Variants in ZC3HAV1 observed in about 807,000 individuals in gnomAD.
The protein encoded by ZC3HAV1 is zinc finger CCCH-type antiviral protein 1.
A neutral mutation model predicts 86.6 loss-of-function variants in ZC3HAV1; 41 were observed. The observed-to-expected ratio is 0.47, with a 90% CI of 0.37 to 0.61. ZC3HAV1 has a LOEUF of 0.61. ZC3HAV1 is among the 20% of genes least tolerant of loss of function. The pLI, the probability that ZC3HAV1 is intolerant of heterozygous loss-of-function variation, is 0.00. For missense variants in ZC3HAV1, 964 were observed against 1,141.1 expected (o/e 0.84, Z 2.24); for synonymous variants, 421 against 432.1 (o/e 0.97, Z 0.32).
At position 139,044,319 on chromosome 7, in the gene ZC3HAV1, C is replaced by T. The variant is rs1815897476; in HGVS notation, c.*3275G>A. 1 of 152,114 alleles carries T rather than the reference C, an allele frequency of 6.6e-6. No homozygotes were observed. The highest frequency in any genetic ancestry group is 1.5e-5 in the Non-Finnish European group (1 of 68,018). 9.4% of individuals were successfully genotyped at this position (152,114 alleles called of 1,614,324 possible). A position where few individuals can be genotyped will look rare whatever the true frequency, so the allele number is the denominator to read the frequency against. On this transcript the variant is annotated 3_prime_UTR_variant, in exon 13 of 13. Coordinates refer to ENST00000242351, the MANE Select transcript of ZC3HAV1 (RefSeq NM_020119.4). ...TCCTGTACTTGTTTACAGGAAGTAG[C>T]CTCTAATCGGCTCTTAAATCCAAAC...
chr7:139,093,015 G>A lies in ZC3HAV1; in HGVS notation c.309-3256C>T, dbSNP rs1817478168. On this transcript the variant is annotated intron_variant, in intron 1 of 12. Coordinates refer to ENST00000242351, the MANE Select transcript of ZC3HAV1 (RefSeq NM_020119.4). ...ATTGATCAGCCACGAAGGTGGGGCAGTTTACACTTACCTTCTACTTGGGTT... is the reference window on the plus strand; with the variant it reads ...ATTGATCAGCCACGAAGGTGGGGCAATTTACACTTACCTTCTACTTGGGTT... Among the ~76,000 whole-genome samples the A allele has an allele frequency of 2.0e-5, 3 of 152,184 alleles. 1 individual carries two copies. Among genetic ancestry groups the A allele is most frequent in the Admixed American group, 2.0e-4 (3 of 15,284 alleles).
chr7:139,106,997 C>A, intron 1 of ZC3HAV1, among the ~76,000 whole-genome samples: 1 of 151,536 alleles, frequency 6.6e-6, no homozygotes. Flanking sequence ...TTGAAAATAT[C>A]CATAGTAAGA....
intron 12 of ZC3HAV1, among the ~76,000 whole-genome samples, chr7:139,051,429 C>T (rs945355749): frequency 3.0e-5 from 4 of 135,550 alleles, no homozygotes; most frequent in Non-Finnish European, 6.2e-5. Flanking sequence ...TTTTTTGAGA[C>T]AAAATGTTGC....
chr7:139,064,044 A>G (rs1166717306), intron 8 of ZC3HAV1, among the ~76,000 whole-genome samples: 2 of 152,238 alleles, frequency 1.3e-5, no homozygotes, highest in African/African-American at 4.8e-5. Context: ...GAATGAAAAG[A>G]CAAACATATT....
intron 8 of ZC3HAV1, among the ~76,000 whole-genome samples, chr7:139,062,978 G>A (rs1463990150): frequency 1.4e-5 from 2 of 138,426 alleles, no homozygotes; most frequent in Non-Finnish European, 3.0e-5. Flanking sequence ...GCAGTGAGCC[G>A]AGATTGCGCC....
intron 1 of ZC3HAV1, among the ~76,000 whole-genome samples, chr7:139,103,840 T>C (rs1361441266): frequency 6.6e-6 from 1 of 152,208 alleles, no homozygotes; most frequent in East Asian, 1.9e-4. Flanking sequence ...GCAATATGAA[T>C]AGATCTCCAA....
intron 5 of ZC3HAV1, among the ~76,000 whole-genome samples, chr7:139,077,044 A>G (rs1254510485): frequency 2.0e-5 from 3 of 152,202 alleles, no homozygotes; most frequent in African/African-American, 7.2e-5. Flanking sequence ...AGCAGAGGCA[A>G]CAGCCTTTAT....
intron 7 of ZC3HAV1, among the ~76,000 whole-genome samples, chr7:139,066,071 C>T (rs966199496): frequency 1.2e-4 from 19 of 152,118 alleles, no homozygotes; most frequent in Non-Finnish European, 2.2e-4. Context: ...GCCCTCATTC[C>T]TCATTCCGTG....
At chr7:139,096,266 A>C (rs1208050138) in intron 1 of ZC3HAV1, among the ~76,000 whole-genome samples, 1 of 152,124 alleles carries the variant, frequency 6.6e-6, no homozygotes, top group Non-Finnish European at 1.5e-5. Flanking sequence ...CACCCGTCTC[A>C]GCCTCCCAAA....
intron 8 of ZC3HAV1, 81 bp downstream of exon 8, chr7:139,064,798 T>C: frequency 1.9e-6 from 3 of 1,606,684 alleles, no homozygotes; most frequent in Non-Finnish European, 2.6e-6. Context: ...TAGCAATGCA[T>C]ACCCACTCTG....
At chr7:139,084,074 T>G in intron 2 of ZC3HAV1, 42 bp from the exon 3 acceptor site, 1 of 1,595,074 alleles carries the variant, frequency 6.3e-7, no homozygotes, top group Non-Finnish European at 8.6e-7. Context: ...AAACACCTTC[T>G]TGTATTTGCC....
intron 7 of ZC3HAV1, among the ~76,000 whole-genome samples, chr7:139,066,095 A>G (rs1454975116): frequency 6.6e-6 from 1 of 152,136 alleles, no homozygotes; most frequent in Non-Finnish European, 1.5e-5. Flanking sequence ...AGGGTGGGCG[A>G]TCAGGGCACA....
chr7:139,082,327 T>TAA lies in ZC3HAV1; in HGVS notation c.697+1451_697+1452dup, dbSNP rs34559728. Among the ~76,000 whole-genome samples, 620 of 147,966 alleles carry TAA rather than the reference T, an allele frequency of 4.2e-3. 2 individuals carry two copies. Among genetic ancestry groups the TAA allele is most frequent in the Non-Finnish European group, 6.5e-3 (431 of 66,738 alleles). ...TCATACTCCTTAGGATGGCTATTAT[T>TAA]AAAAAAAAAAATCAGAAAACACAAA... On this transcript the variant is annotated intron_variant, in intron 3 of 12. Coordinates refer to ENST00000242351, the MANE Select transcript of ZC3HAV1 (RefSeq NM_020119.4).
intron 1 of ZC3HAV1, among the ~76,000 whole-genome samples, chr7:139,096,442 C>T (rs1429915737): frequency 2.0e-5 from 3 of 152,146 alleles, no homozygotes; most frequent in Non-Finnish European, 4.4e-5. Context: ...AAATATTAAC[C>T]AGAGAGAGAT....
intron 9 of ZC3HAV1, among the ~76,000 whole-genome samples, chr7:139,057,827 ACCGCGCCCGGCC>A: frequency 4.6e-5 from 1 of 21,558 alleles, no homozygotes; most frequent in Non-Finnish European, 8.4e-5. Flanking sequence ...GACGTGAGCC[ACCGCGCCCGGCC>A]AACAATTACA....
chr7:139,067,752 G>C (rs968778287), intron 7 of ZC3HAV1, among the ~76,000 whole-genome samples: 1 of 152,062 alleles, frequency 6.6e-6, no homozygotes, highest in African/African-American at 2.4e-5. Flanking sequence ...AAGCATACAC[G>C]TTCATTTAAT....
rs1275323594 is a variant in ZC3HAV1, at chr7:139,057,830, G to A, written c.2097-2535C>T. On this transcript the variant is annotated intron_variant, in intron 9 of 12. Transcript: ENST00000242351. ...GCTGGGATTACAGACGTGAGCCACCGCGCCCGGCCAACAATTACATTTTAA... is the reference window on the plus strand; with the variant it reads ...GCTGGGATTACAGACGTGAGCCACCACGCCCGGCCAACAATTACATTTTAA... 6.0e-4 allele frequency among the ~76,000 whole-genome samples: 13 copies of A among 21,540 alleles called. 6 individuals carry two copies. Among genetic ancestry groups the A allele is most frequent in the African/African-American group, 3.6e-3 (13 of 3,566 alleles). 14.1% of individuals were successfully genotyped at this position (21,540 alleles called of 152,430 possible). A position where few individuals can be genotyped will look rare whatever the true frequency, so the allele number is the denominator to read the frequency against.
At chr7:139,097,428 A>ATTTTT (rs11291842) in intron 1 of ZC3HAV1, among the ~76,000 whole-genome samples, 43 of 48,154 alleles carry the variant, frequency 8.9e-4, no homozygotes, top group African/African-American at 4.2e-3. Context: ...ATATATATAT[A>ATTTTT]TTTTTTTTTT....
At position 139,046,714 on chromosome 7, in the gene ZC3HAV1, T is replaced by C. The variant is rs1332159013; in HGVS notation, c.*880A>G. ...GATAAGGTACAGTACTGCAGCCATGTCTGCAATAGCACTTCAATTTTACTT... is the reference window on the plus strand; with the variant it reads ...GATAAGGTACAGTACTGCAGCCATGCCTGCAATAGCACTTCAATTTTACTT... On this transcript the variant is annotated 3_prime_UTR_variant, in exon 13 of 13. Transcript: ENST00000242351. The C allele has an allele frequency of 6.6e-6, 1 of 152,168 alleles. No homozygotes were observed. Among genetic ancestry groups the C allele is most frequent in the Non-Finnish European group, 1.5e-5 (1 of 68,062 alleles). 9.4% of individuals were successfully genotyped at this position (152,168 alleles called of 1,614,324 possible).
Sources: gnomAD v4.1 joint callset for allele counts (sites outside exome capture counted in the v4.1 genomes callset) on GRCh38, gnomAD v4.1.1 for gene constraint, MANE v1.5 for transcripts, NCBI Gene and HGNC (gene_info 2026-07-23, HGNC 2026-07-21) for gene names.